Variants in CLYBL observed in about 807,000 individuals in gnomAD.
CLYBL encodes citramalyl-CoA lyase.
In CLYBL, 31 loss-of-function variants were observed where a neutral mutation model predicts 38.9. That is an observed-to-expected ratio of 0.80 (90% CI 0.60 to 1.08). The LOEUF (loss-of-function observed/expected upper bound fraction) is 1.08. Ranked by LOEUF, CLYBL falls within the 50% of genes least tolerant of loss-of-function variation. CLYBL has a pLI of 0.00. For missense variants in CLYBL, 434 were observed against 411.6 expected (o/e 1.05, Z -0.47); for synonymous variants, 171 against 158.6 (o/e 1.08, Z -0.59).
chr13:99,675,092 G>T (rs1452722388), intron 1 of CLYBL, among the ~76,000 whole-genome samples: 2 of 152,112 alleles, frequency 1.3e-5, no homozygotes, highest in African/African-American at 4.8e-5. Context: ...GCCACGTGGG[G>T]GTCATGGGTG....
At chr13:99,827,786 G>A (rs1369454178) in intron 2 of CLYBL, among the ~76,000 whole-genome samples, 1 of 152,236 alleles carries the variant, frequency 6.6e-6, no homozygotes, top group Non-Finnish European at 1.5e-5. Flanking sequence ...AGGCGCCATC[G>A]TATGTGGGGA....
At chr13:99,885,389 C>T (rs1192598864) in intron 7 of CLYBL, among the ~76,000 whole-genome samples, 2 of 152,070 alleles carry the variant, frequency 1.3e-5, no homozygotes, top group East Asian at 3.9e-4. Context: ...GGGGTACAGG[C>T]CTCAGGGGAC....
At chr13:99,800,958 T>TAA (rs2050123697) in intron 2 of CLYBL, among the ~76,000 whole-genome samples, 1 of 150,518 alleles carries the variant, frequency 6.6e-6, no homozygotes, top group Non-Finnish European at 1.5e-5. Flanking sequence ...CAGAAGACCC[T>TAA]AACTGATAGG....
At chr13:99,770,081 T>TTTC (rs2049352465) in intron 1 of CLYBL, among the ~76,000 whole-genome samples, 1 of 39,276 alleles carries the variant, frequency 2.5e-5, no homozygotes, top group East Asian at 5.1e-4. Context: ...CTTTTCTTTC[T>TTTC]TTTTTTTTTT....
At chr13:99,781,321 C>T (rs1308243816) in intron 2 of CLYBL, among the ~76,000 whole-genome samples, 2 of 151,972 alleles carry the variant, frequency 1.3e-5, no homozygotes, top group Non-Finnish European at 2.9e-5. Context: ...CAGGCGCCCA[C>T]CACCATGCCC....
chr13:99,855,133 A>C (rs758964580), intron 2 of CLYBL, among the ~76,000 whole-genome samples: 1 of 83,828 alleles, frequency 1.2e-5, no homozygotes, highest in Non-Finnish European at 2.1e-5. Flanking sequence ...CCTTAATTCC[A>C]TTATTCAGTC....
intron 1 of CLYBL, among the ~76,000 whole-genome samples, chr13:99,655,926 G>C (rs900140452): frequency 1.3e-5 from 2 of 152,128 alleles, no homozygotes; most frequent in African/African-American, 4.8e-5. Context: ...TGTGTAGGCG[G>C]CAGGGCGCAC....
intron 1 of CLYBL, 26 bp downstream of exon 1, chr13:99,606,783 C>T (rs1332872650): frequency 1.5e-5 from 20 of 1,373,806 alleles, no homozygotes; most frequent in East Asian, 3.1e-5. Context: ...CGTTCCCCGC[C>T]TTCCCGGCCC....
chr13:99,777,053 GT>G (rs2049532539), intron 2 of CLYBL, among the ~76,000 whole-genome samples: 1 of 151,796 alleles, frequency 6.6e-6, no homozygotes, highest in African/African-American at 2.4e-5. Flanking sequence ...CTAATTTTGT[GT>G]TTTTAGGAGA....
chr13:99,635,087 G>A (rs987625852), intron 1 of CLYBL, among the ~76,000 whole-genome samples: 3 of 152,090 alleles, frequency 2.0e-5, no homozygotes, highest in Admixed American at 6.5e-5. Flanking sequence ...CTGCTCCTGG[G>A]TTCCCATCTC....
At chr13:99,815,518 A>G (rs1442743986) in intron 2 of CLYBL, among the ~76,000 whole-genome samples, 1 of 152,212 alleles carries the variant, frequency 6.6e-6, no homozygotes, top group Non-Finnish European at 1.5e-5. Flanking sequence ...TGAGGAGTTC[A>G]AGACCACAGT....
chr13:99,757,184 G>A (rs2049078753), intron 1 of CLYBL, among the ~76,000 whole-genome samples: 1 of 152,134 alleles, frequency 6.6e-6, no homozygotes, highest in African/African-American at 2.4e-5. Context: ...ACAGGCGTGA[G>A]CCACCATACC....
At chr13:99,690,842 T>C (rs2047890657) in intron 1 of CLYBL, 1 of 152,230 alleles carries the variant, frequency 6.6e-6, no homozygotes, top group African/African-American at 2.4e-5. Flanking sequence ...CCTTTCAGTT[T>C]CCTCAGGGGG....
chr13:99,834,846 C>G (rs1436308022), intron 2 of CLYBL, among the ~76,000 whole-genome samples: 1 of 152,236 alleles, frequency 6.6e-6, no homozygotes, highest in African/African-American at 2.4e-5. Flanking sequence ...CCTGCTGACA[C>G]TTTTGTCTTA....
intron 2 of CLYBL, among the ~76,000 whole-genome samples, chr13:99,776,655 A>G (rs2049524718): frequency 6.6e-6 from 1 of 152,054 alleles, no homozygotes; most frequent in African/African-American, 2.4e-5. Context: ...CATGCACATC[A>G]TATGAAAATT....
At chr13:99,746,698 C>T (rs961924007) in intron 1 of CLYBL, among the ~76,000 whole-genome samples, 2 of 152,102 alleles carry the variant, frequency 1.3e-5, no homozygotes, top group East Asian at 1.9e-4. Flanking sequence ...CTCAGGCTGG[C>T]GTGTCCTTTC....
chr13:99,838,937 C>T (rs1296443159), intron 2 of CLYBL, among the ~76,000 whole-genome samples: 2 of 152,230 alleles, frequency 1.3e-5, no homozygotes, highest in African/African-American at 4.8e-5. Flanking sequence ...CGGCGCCTGG[C>T]CTACATTTCA....
At chr13:99,731,983 G>A (rs147130227) in intron 1 of CLYBL, among the ~76,000 whole-genome samples, 49 of 152,184 alleles carry the variant, frequency 3.2e-4, no homozygotes, top group African/African-American at 1.1e-3. Context: ...ATCCCTGCAC[G>A]AACGGTACCA....
At chr13:99,805,162 T>G (rs2050207358) in intron 2 of CLYBL, among the ~76,000 whole-genome samples, 1 of 152,218 alleles carries the variant, frequency 6.6e-6, no homozygotes, top group African/African-American at 2.4e-5. Flanking sequence ...TCCGCTTATC[T>G]GTCAATAGAC....
Sources: gnomAD v4.1 joint callset for allele counts (sites outside exome capture counted in the v4.1 genomes callset) on GRCh38, gnomAD v4.1.1 for gene constraint, MANE v1.5 for transcripts, NCBI Gene and HGNC (gene_info 2026-07-23, HGNC 2026-07-21) for gene names.